Variants in STAMBP observed in about 807,000 individuals in gnomAD.
STAMBP encodes STAM-binding protein.
In STAMBP, 31 loss-of-function variants were observed where a neutral mutation model predicts 50.7. That is an observed-to-expected ratio of 0.61 (90% CI 0.46 to 0.83). The LOEUF (loss-of-function observed/expected upper bound fraction) is 0.83. STAMBP is among the 40% of genes least tolerant of loss of function. The pLI, the probability that STAMBP is intolerant of heterozygous loss-of-function variation, is 0.00. For missense variants in STAMBP, 472 were observed against 518.9 expected (o/e 0.91, Z 0.88); for synonymous variants, 211 against 192.4 (o/e 1.10, Z -0.80).
At chr2:73,847,266 T>C in intron 4 of STAMBP, 121 bp from the exon 5 acceptor site, 1 of 1,231,854 alleles carries the variant, frequency 8.1e-7, no homozygotes, top group Non-Finnish European at 1.1e-6. Context: ...GAATTCTGTG[T>C]TAGGTAATCA....
intron 10 of STAMBP, among the ~76,000 whole-genome samples, chr2:73,873,031 A>G (rs1679260795): frequency 6.6e-6 from 1 of 152,232 alleles, no homozygotes; most frequent in South Asian, 2.1e-4. Flanking sequence ...CTAAAGCACA[A>G]GATATGGTAA....
At chr2:73,848,795 G>A (rs1443673169) in intron 5 of STAMBP, among the ~76,000 whole-genome samples, 1 of 152,206 alleles carries the variant, frequency 6.6e-6, no homozygotes, top group Non-Finnish European at 1.5e-5. Flanking sequence ...AACCACAGCA[G>A]GGAGGTTATT....
intron 2 of STAMBP, among the ~76,000 whole-genome samples, chr2:73,842,600 G>A (rs1675538055): frequency 6.6e-6 from 1 of 152,172 alleles, no homozygotes; most frequent in Non-Finnish European, 1.5e-5. Context: ...GTATTTAGAA[G>A]TCTGGTGTTT....
chr2:73,850,638 T>C lies in STAMBP; in HGVS notation c.1005+125T>C. 8.9e-7 allele frequency: 1 copy of C among 1,127,358 alleles called. No individual in the cohort carries two copies. Among genetic ancestry groups the C allele is most frequent in the Non-Finnish European group, 1.2e-6 (1 of 824,664 alleles). The allele number at this position is 1,127,358 out of a possible 1,614,324, so 69.8% of individuals were successfully genotyped here. A position where few individuals can be genotyped will look rare whatever the true frequency, so the allele number is the denominator to read the frequency against. On this transcript the variant is annotated intron_variant, in intron 7 of 9. Coordinates refer to ENST00000394070, the MANE Select transcript of STAMBP (RefSeq NM_213622.4). The surrounding 1 kb of genome is among the most constrained non-coding windows in gnomAD (Gnocchi z 4.3). The stretch of plus-strand genomic sequence containing the variant: ...ATTTATTGTTTTTCTCTCTTTTGGA[T>C]GCAGTCCTTAGCATACTTGACTATT...
chr2:73,843,437 T>TATATATA (rs1675691667), intron 2 of STAMBP, among the ~76,000 whole-genome samples: 1 of 146,518 alleles, frequency 6.8e-6, no homozygotes, highest in African/African-American at 2.5e-5. Flanking sequence ...TATATATAAA[T>TATATATA]TAAAAAATAT....
At chr2:73,853,094 A>G (rs1234808776) in intron 7 of STAMBP, among the ~76,000 whole-genome samples, 1 of 152,232 alleles carries the variant, frequency 6.6e-6, no homozygotes, top group South Asian at 2.1e-4. Flanking sequence ...GATGTTAACC[A>G]TGTCACATCC....
At chr2:73,845,880 C>T (rs1194535985) in intron 4 of STAMBP, among the ~76,000 whole-genome samples, 1 of 152,228 alleles carries the variant, frequency 6.6e-6, no homozygotes, top group Non-Finnish European at 1.5e-5. Flanking sequence ...GATCCGCCTG[C>T]CTCGGCCTTC....
intron 2 of STAMBP, among the ~76,000 whole-genome samples, chr2:73,835,310 C>T (rs1044518325): frequency 1.4e-5 from 2 of 146,682 alleles, no homozygotes; most frequent in Non-Finnish European, 3.0e-5. Flanking sequence ...GCCAAGATCG[C>T]GGCACTGCAC....
intron 9 of STAMBP, among the ~76,000 whole-genome samples, chr2:73,861,144 A>G (rs1384094593): frequency 1.3e-5 from 2 of 152,210 alleles, no homozygotes. Flanking sequence ...TCAGTTATAA[A>G]GGCCCCTGTT....
Position 73,844,906 on chromosome 2 carries a change from T to C in STAMBP, c.279+18T>C, listed in dbSNP as rs376644118. 146 of 1,612,356 alleles carry C rather than the reference T, an allele frequency of 9.1e-5. No individual in the cohort carries two copies. The highest frequency in any genetic ancestry group is 1.8e-4 in the East Asian group (8 of 44,882). On this transcript the variant is annotated intron_variant, in intron 3 of 9. Transcript: ENST00000394070. ...CAGTAAAGGTGGGTCTTCACTTTCA[T>C]TGTTGCCCATCTAAAAGCTTCAGAG...
chr2:73,835,315 C>T (rs1389299192), intron 2 of STAMBP, among the ~76,000 whole-genome samples: 6 of 148,344 alleles, frequency 4.0e-5, no homozygotes, highest in Middle Eastern at 3.5e-3. Context: ...GATCGCGGCA[C>T]TGCACTCCAG....
intron 6 of STAMBP, among the ~76,000 whole-genome samples, chr2:73,849,901 A>T (rs1181147994): frequency 2.0e-5 from 3 of 152,220 alleles, no homozygotes; most frequent in Non-Finnish European, 4.4e-5. Context: ...CAGTATAAGT[A>T]TTGGGAATTT....
chr2:73,848,949 C>T (rs567255919), intron 5 of STAMBP, among the ~76,000 whole-genome samples: 6 of 152,010 alleles, frequency 3.9e-5, no homozygotes, highest in Middle Eastern at 3.4e-3. Flanking sequence ...TTATGGGGTA[C>T]ATGAGATGTT....
At chr2:73,848,600 G>C (rs931618866) in intron 5 of STAMBP, among the ~76,000 whole-genome samples, 1 of 152,150 alleles carries the variant, frequency 6.6e-6, no homozygotes, top group African/African-American at 2.4e-5. Context: ...CATAGTTCTG[G>C]AGAGTGGAAA....
At chr2:73,860,480 A>G (rs1217144601) in intron 9 of STAMBP, 1 of 780,970 alleles carries the variant, frequency 1.3e-6, no homozygotes, top group African/African-American at 1.9e-5. Flanking sequence ...TACGTAATGC[A>G]GTTGCTGGCT....
intron 5 of STAMBP, 35 bp downstream of exon 5, chr2:73,847,788 G>C (rs898886770): frequency 1.8e-5 from 29 of 1,589,082 alleles, no homozygotes; most frequent in Non-Finnish European, 2.3e-5. Context: ...TTCCTTCTCA[G>C]TTGCAGCCAA....
downstream of STAMBP, among the ~76,000 whole-genome samples, chr2:73,867,768 G>A (rs1466591647): frequency 6.6e-6 from 1 of 152,024 alleles, no homozygotes; most frequent in Non-Finnish European, 1.5e-5. Context: ...TTAAGCATCG[G>A]ACTCAAATTA....
chr2:73,857,820 G>A (rs560792378), intron 7 of STAMBP, among the ~76,000 whole-genome samples: 7 of 152,080 alleles, frequency 4.6e-5, no homozygotes, highest in South Asian at 4.2e-4. Context: ...ATCTCCCCAC[G>A]ATTGCTCTTC....
At chr2:73,852,142 G>A (rs1676894402) in intron 7 of STAMBP, among the ~76,000 whole-genome samples, 3 of 152,194 alleles carry the variant, frequency 2.0e-5, no homozygotes, top group Admixed American at 2.0e-4. Flanking sequence ...TAAGAGGTTA[G>A]TGTGCTGATA....
Sources: gnomAD v4.1 joint callset for allele counts (sites outside exome capture counted in the v4.1 genomes callset) on GRCh38, gnomAD v4.1.1 for gene constraint, Gnocchi (gnomAD v3.1) non-coding constraint, MANE v1.5 for transcripts, NCBI Gene and HGNC (gene_info 2026-07-23, HGNC 2026-07-21) for gene names.